Variants in HHIPL1 observed in about 807,000 individuals in gnomAD.
HHIPL1 encodes HHIP like 1.
Under a neutral mutation model 61.8 loss-of-function variants are expected in HHIPL1, and 43 were observed. That is an observed-to-expected ratio of 0.70 (90% CI 0.55 to 0.90). The LOEUF (loss-of-function observed/expected upper bound fraction) is 0.90, where lower values mean the gene tolerates loss of function less well. HHIPL1 is among the 40% of genes least tolerant of loss of function. HHIPL1 has a pLI of 0.00. For missense variants in HHIPL1, 1,056 were observed against 1,157.7 expected (o/e 0.91, Z 1.28); for synonymous variants, 482 against 515.8 (o/e 0.93, Z 0.89).
chr14:99,627,916 C>T, the HHIPL1 span, among the ~76,000 whole-genome samples: 9 of 152,180 alleles, frequency 5.9e-5, no homozygotes, highest in South Asian at 2.1e-4. This position sits in a 1 kb window ranked among gnomAD's most constrained non-coding sequence, Gnocchi z 4.4. Context: ...GAAAGGCCCC[C>T]GAGGAGGAAG....
In HHIPL1 at chr14:99,646,981, G is replaced by A. The variant is rs140482622; in HGVS notation, c.255+1519G>A. Among the ~76,000 whole-genome samples, 3 of 152,204 alleles carry A rather than the reference G, an allele frequency of 2.0e-5. No individual in the cohort carries two copies. The East Asian group carries it at 5.8e-4, about 29-fold the overall frequency. Reference sequence around the variant, plus strand: ...AGTGTTTGCAGTTGGATTTCTCGAGGGCTTCCTTGGCCCTCACTGGCTGCC... The same window carrying A: ...AGTGTTTGCAGTTGGATTTCTCGAGAGCTTCCTTGGCCCTCACTGGCTGCC... On this transcript the variant is annotated intron_variant, in intron 1 of 8. Transcript: ENST00000330710.
Position 99,652,599 on chromosome 14 carries a change from G to A in HHIPL1, c.631G>A (p.Val211Met), listed in dbSNP as rs149387325. Residue 211 changes from valine to methionine, a missense_variant, in exon 2 of 9, where the codon GTG becomes ATG. Val to Met is a conservative substitution (Grantham distance 21). Transcript: ENST00000330710. ...CAGGGATGGCACCCACCGCTTCTTC[G>A]TGGCCGAGCAGGTGGGGCTGGTGTG... ...HARDGTHRFF[V>M]AEQVGLVWAY... 9.3e-6 allele frequency: 15 copies of A among 1,613,212 alleles called. No individual in the cohort carries two copies. Among genetic ancestry groups the A allele is most frequent in the East Asian group, 4.5e-5 (2 of 44,874 alleles).
At chr14:99,620,447 C>G in the HHIPL1 span, among the ~76,000 whole-genome samples, 1 of 152,230 alleles carries the variant, frequency 6.6e-6, no homozygotes, top group African/African-American at 2.4e-5. Context: ...CGCTCCCCAT[C>G]CCAGCATCCC....
chr14:99,621,358 G>GA, the HHIPL1 span, among the ~76,000 whole-genome samples: 1 of 152,184 alleles, frequency 6.6e-6, no homozygotes, highest in African/African-American at 2.4e-5. Flanking sequence ...CGCAGGCACA[G>GA]AAGGCCGCCC....
chr14:99,643,987 C>T (rs1274197938), upstream of HHIPL1, among the ~76,000 whole-genome samples: 1 of 152,194 alleles, frequency 6.6e-6, no homozygotes, highest in African/African-American at 2.4e-5. Context: ...CCCTGTATGG[C>T]TTCTTAGCCT....
At chr14:99,657,578 T>C (rs973153863) in intron 3 of HHIPL1, among the ~76,000 whole-genome samples, 3 of 152,126 alleles carry the variant, frequency 2.0e-5, no homozygotes, top group African/African-American at 7.2e-5. Flanking sequence ...CACGTGGGGC[T>C]CCTGTCCCAG....
chr14:99,663,935 C>T (rs1433463457), intron 6 of HHIPL1, among the ~76,000 whole-genome samples: 1 of 152,204 alleles, frequency 6.6e-6, no homozygotes, highest in East Asian at 1.9e-4. Flanking sequence ...GCCTGGAGCT[C>T]CTGATGGCAA....
chr14:99,659,846 A>ACC (rs1242647799), intron 4 of HHIPL1, 90 bp downstream of exon 4: 2 of 261,572 alleles, frequency 7.6e-6, no homozygotes, highest in African/African-American at 1.9e-4. Context: ...CGGAGACCGC[A>ACC]CCCCCCCCCC....
intron 6 of HHIPL1, among the ~76,000 whole-genome samples, chr14:99,666,879 T>C (rs2056254559): frequency 1.3e-5 from 2 of 151,938 alleles, no homozygotes; most frequent in South Asian, 4.1e-4. Flanking sequence ...ACTGCTCTCC[T>C]CATCCCCCAG....
intron 1 of HHIPL1, among the ~76,000 whole-genome samples, chr14:99,649,830 GA>G (rs1026539286): frequency 2.0e-5 from 3 of 152,168 alleles, no homozygotes; most frequent in African/African-American, 7.2e-5. Flanking sequence ...TAGTGACAAT[GA>G]CCCTACCTTG....
rs1215401278 is a variant in HHIPL1, at chr14:99,677,659, G to A, written c.*2033G>A. 1 of 152,436 alleles carries A rather than the reference G, an allele frequency of 6.6e-6. No homozygotes were observed. The highest frequency in any genetic ancestry group is 1.5e-5 in the Non-Finnish European group (1 of 68,198). The allele number at this position is 152,436 out of a possible 1,614,324, so 9.4% of individuals were successfully genotyped here. The stretch of plus-strand genomic sequence containing the variant: ...CACGCTGAGACTGGAGCCAGGGAAG[G>A]TGCAGCAAGCCTTGAGGCCCTCAAG... On this transcript the variant is annotated 3_prime_UTR_variant, in exon 9 of 9. Transcript: ENST00000330710. The surrounding 1 kb of genome is among the most constrained non-coding windows in gnomAD (Gnocchi z 4.3).
chr14:99,650,082 T>G (rs2055901536), intron 1 of HHIPL1, among the ~76,000 whole-genome samples: 1 of 152,224 alleles, frequency 6.6e-6, no homozygotes, highest in Non-Finnish European at 1.5e-5. Flanking sequence ...CCTTGGCCAG[T>G]CAGGTGAGAC....
chr14:99,625,360 C>G, the HHIPL1 span: 1 of 152,310 alleles, frequency 6.6e-6, no homozygotes, highest in African/African-American at 2.4e-5. Flanking sequence ...CTGCCTGGCA[C>G]AGAGTCTGGT....
intron 6 of HHIPL1, among the ~76,000 whole-genome samples, chr14:99,663,241 A>G (rs2056183812): frequency 6.6e-6 from 1 of 152,236 alleles, no homozygotes; most frequent in South Asian, 2.1e-4. Context: ...CACGTAAGAA[A>G]GAAATCGGGG....
At chr14:99,649,272 G>A (rs2055889398) in intron 1 of HHIPL1, among the ~76,000 whole-genome samples, 1 of 152,188 alleles carries the variant, frequency 6.6e-6, no homozygotes, top group South Asian at 2.1e-4. Flanking sequence ...TTTGGTGAAC[G>A]GAGGGCTCTC....
At chr14:99,659,117 G>A (rs2056097632) in intron 3 of HHIPL1, among the ~76,000 whole-genome samples, 1 of 152,206 alleles carries the variant, frequency 6.6e-6, no homozygotes, top group Non-Finnish European at 1.5e-5. Context: ...TCTGTAAAGT[G>A]GGGATCATAC....
the HHIPL1 span, among the ~76,000 whole-genome samples, chr14:99,623,064 G>T: frequency 2.0e-5 from 3 of 152,330 alleles, no homozygotes; most frequent in South Asian, 6.2e-4. Context: ...GCAGAGACGC[G>T]TGTGCTGAGC....
Position 99,659,704 on chromosome 14 carries a change from G to A in HHIPL1, c.1323G>A (p.Ala441=), listed in dbSNP as rs2056112509. The part of the protein sequence containing the change: ...VERGGNYGWR[A]REGFECYDRS... ...GCGGCGGCAACTATGGCTGGCGCGC[G>A]CGCGAAGGGTTCGAGTGCTACGACC... Residue 441 remains alanine (A), a synonymous_variant, in exon 4 of 9, where the codon GCG becomes GCA. Transcript: ENST00000330710. 8.7e-6 allele frequency: 13 copies of A among 1,488,590 alleles called. No homozygotes were observed. The highest frequency in any genetic ancestry group is 2.6e-5 in the East Asian group (1 of 38,444). 92.2% of individuals were successfully genotyped at this position (1,488,590 alleles called of 1,614,324 possible). A position where few individuals can be genotyped will look rare whatever the true frequency, so the allele number is the denominator to read the frequency against.
intron 1 of HHIPL1, among the ~76,000 whole-genome samples, chr14:99,650,498 A>G (rs2055910408): frequency 6.6e-6 from 1 of 152,162 alleles, no homozygotes; most frequent in South Asian, 2.1e-4. Context: ...CTGTAGGGGT[A>G]GGGTGCAGGG....
Sources: gnomAD v4.1 joint callset for allele counts (sites outside exome capture counted in the v4.1 genomes callset) on GRCh38, gnomAD v4.1.1 for gene constraint, Gnocchi (gnomAD v3.1) non-coding constraint, MANE v1.5 for transcripts, NCBI Gene and HGNC (gene_info 2026-07-23, HGNC 2026-07-21) for gene names.